Variants in DMD observed in about 807,000 individuals in gnomAD.
The protein encoded by DMD is mutant dystrophin.
Under a neutral mutation model 330.1 loss-of-function variants are expected in DMD, and 63 were observed. That is an observed-to-expected ratio of 0.19 (90% CI 0.16 to 0.24). The LOEUF (loss-of-function observed/expected upper bound fraction) is 0.24. Among genes scored for constraint, DMD ranks in the 10% least tolerant of loss-of-function variants. DMD has a pLI of 1.00. For missense variants in DMD, 3,344 were observed against 2,684.1 expected (o/e 1.25, Z -5.43); for synonymous variants, 1,223 against 959.8 (o/e 1.27, Z -5.07).
intron 1 of DMD, among the ~76,000 whole-genome samples, chrX:33,182,743 C>T (rs2050060778): frequency 8.9e-6 from 1 of 112,340 alleles, no homozygotes; most frequent in Non-Finnish European, 1.9e-5. Flanking sequence ...AGTATATTTA[C>T]AAGATATGAC....
At chrX:32,479,352 G>A (rs1045489900) in intron 21 of DMD, among the ~76,000 whole-genome samples, 2 of 110,682 alleles carry the variant, frequency 1.8e-5, no homozygotes, top group Non-Finnish European at 3.8e-5. Context: ...TGTCCACCAC[G>A]CAGTACTAGA....
At chrX:31,972,440 C>T (rs1400303891) in intron 44 of DMD, among the ~76,000 whole-genome samples, 1 of 111,027 alleles carries the variant, frequency 9.0e-6, no homozygotes, top group African/African-American at 3.3e-5. Context: ...TCCAAAACTG[C>T]ATGAAAACAC....
chrX:32,616,932 G>T (rs1602196635), intron 11 of DMD, among the ~76,000 whole-genome samples: 1 of 108,823 alleles, frequency 9.2e-6, no homozygotes, highest in Non-Finnish European at 1.9e-5. Flanking sequence ...TTCCTTATCT[G>T]TGAACTACCT....
Position 32,527,904 on chromosome X carries a change from G to A in DMD, c.2169-9773C>T, listed in dbSNP as rs112577729. On this transcript the variant is annotated intron_variant, in intron 17 of 78. Transcript: ENST00000357033. ...AGTGTGTCTCCCTCTGTGGAAGGGG[G>A]GAAGATAGGGCCACATGATTGTCTT... Among the ~76,000 whole-genome samples the A allele has an allele frequency of 6.2e-3, 696 of 111,797 alleles. 2 individuals are homozygous for A. Among genetic ancestry groups the A allele is most frequent in the African/African-American group, 0.02 (611 of 30,735 alleles).
intron 63 of DMD, among the ~76,000 whole-genome samples, chrX:31,239,780 A>G (rs73464341): frequency 0.091 from 10,178 of 111,374 alleles, 386 homozygotes; most frequent in African/African-American, 0.11. Context: ...GCTCCTCCTA[A>G]CCCGCTCTGA....
chrX:33,122,576 T>C (rs150705680), intron 1 of DMD, among the ~76,000 whole-genome samples: 3,802 of 112,314 alleles, frequency 0.034, 171 homozygotes, highest in African/African-American at 0.12. Flanking sequence ...CTTTTCATTA[T>C]GCAGACAAAA....
At chrX:32,326,440 C>A (rs2097651143) in intron 41 of DMD, among the ~76,000 whole-genome samples, 1 of 112,336 alleles carries the variant, frequency 8.9e-6, no homozygotes, top group Non-Finnish European at 1.9e-5. Context: ...TATAGCATAG[C>A]TACATAAATA....
At chrX:31,899,132 T>C (rs2094388408) in intron 47 of DMD, among the ~76,000 whole-genome samples, 1 of 111,890 alleles carries the variant, frequency 8.9e-6, no homozygotes, top group South Asian at 3.7e-4. Context: ...TATATTCAAT[T>C]GCAGTGTGCT....
chrX:32,843,892 A>C (rs2080393100), intron 4 of DMD, among the ~76,000 whole-genome samples: 1 of 111,884 alleles, frequency 8.9e-6, no homozygotes, highest in Non-Finnish European at 1.9e-5. Flanking sequence ...CTAATGCAAC[A>C]CACGTATTTT....
At chrX:31,279,990 G>C (rs970510778) in intron 62 of DMD, among the ~76,000 whole-genome samples, 1 of 112,421 alleles carries the variant, frequency 8.9e-6, no homozygotes, top group African/African-American at 3.2e-5. Context: ...GCTGACCTCA[G>C]TGTTAAGCCA....
At chrX:33,272,238 A>T (rs1056730342) in intron 1 of DMD, among the ~76,000 whole-genome samples, 18 of 112,282 alleles carry the variant, frequency 1.6e-4, no homozygotes, top group Non-Finnish European at 2.4e-4. Context: ...TCTTATATGC[A>T]TATACATGAG....
intron 44 of DMD, among the ~76,000 whole-genome samples, chrX:32,139,939 C>T (rs1404464675): frequency 8.9e-6 from 1 of 112,231 alleles, no homozygotes; most frequent in Non-Finnish European, 1.9e-5. Flanking sequence ...ATACAAGAAA[C>T]GGAAAACATA....
intron 1 of DMD, among the ~76,000 whole-genome samples, chrX:33,134,815 T>A (rs2095517555): frequency 8.9e-6 from 1 of 112,243 alleles, no homozygotes; most frequent in Admixed American, 9.5e-5. Flanking sequence ...CATTAATTTA[T>A]AACTGGGACT....
intron 47 of DMD, among the ~76,000 whole-genome samples, chrX:31,893,828 T>C (rs987934644): frequency 1.3e-4 from 15 of 111,557 alleles, no homozygotes; most frequent in Non-Finnish European, 2.5e-4. Context: ...CCGCTACTTA[T>C]AGAATCCGAG....
intron 44 of DMD, among the ~76,000 whole-genome samples, chrX:32,029,047 C>T (rs1402766923): frequency 9.0e-6 from 1 of 110,766 alleles, no homozygotes; most frequent in Non-Finnish European, 1.9e-5. Context: ...CCCCCAACAA[C>T]CCTGCAGCTT....
intron 6 of DMD, among the ~76,000 whole-genome samples, chrX:32,811,541 CCT>C (rs2077369955): frequency 8.9e-6 from 1 of 111,809 alleles, no homozygotes; most frequent in Admixed American, 9.5e-5. Context: ...CTGCTGGAAA[CCT>C]AGCCTGACAC....
At chrX:32,862,077 G>T (rs144417475) in intron 2 of DMD, among the ~76,000 whole-genome samples, 78 of 111,553 alleles carry the variant, frequency 7.0e-4, no homozygotes, top group Non-Finnish European at 1.3e-3. Flanking sequence ...GATAAAATCA[G>T]TAGGTATTTA....
At chrX:32,766,502 C>G (rs985922028) in intron 7 of DMD, among the ~76,000 whole-genome samples, 6 of 111,101 alleles carry the variant, frequency 5.4e-5, no homozygotes, top group African/African-American at 1.3e-4. Flanking sequence ...TGGACTGCAT[C>G]ACTGTTAGTG....
chrX:32,872,753 A>G (rs192082896), intron 2 of DMD, among the ~76,000 whole-genome samples: 2,395 of 111,868 alleles, frequency 0.021, 74 homozygotes, highest in African/African-American at 0.074. Context: ...TGGGCAAAGA[A>G]GGATAAGGGG....
Sources: allele counts gnomAD v4.1 joint callset (sites outside exome capture counted in the v4.1 genomes callset), GRCh38; gene constraint gnomAD v4.1.1; transcripts MANE v1.5; gene names NCBI Gene and HGNC (gene_info 2026-07-23, HGNC 2026-07-21).